The following PLXDC2 variants were observed in gnomAD, a reference collection of about 807,000 sequenced individuals.
The protein encoded by PLXDC2 is plexin domain containing 2.
In PLXDC2, 40 loss-of-function variants were observed where a neutral mutation model predicts 68.9. The ratio of observed to expected loss-of-function variants is 0.58; its 90% CI spans 0.45 to 0.76. The LOEUF (loss-of-function observed/expected upper bound fraction) is 0.76. PLXDC2 is among the 30% of genes least tolerant of loss of function. PLXDC2 has a pLI of 0.00. For missense variants in PLXDC2, 644 were observed against 661.9 expected, an observed-to-expected ratio of 0.97 and a Z score of 0.30; for synonymous variants, 243 against 234.2, an observed-to-expected ratio of 1.04 and a Z score of -0.34.
intron 2 of PLXDC2, among the ~76,000 whole-genome samples, chr10:20,020,064 CTGCTCAGT>C (rs80252773): frequency 0.25 from 37,874 of 149,974 alleles, 5,100 homozygotes; most frequent in East Asian, 0.39. Context: ...CTTGCTCTGT[CTGCTCAGT>C]ACAGTCAGAG....
intron 9 of PLXDC2, among the ~76,000 whole-genome samples, chr10:20,201,904 C>T (rs1048837559): frequency 1.3e-5 from 2 of 152,206 alleles, no homozygotes; most frequent in African/African-American, 2.4e-5. Flanking sequence ...TAAATAAAGA[C>T]GAGGTTGAAC....
intron 1 of PLXDC2, among the ~76,000 whole-genome samples, chr10:19,963,442 G>A (rs1398434145): frequency 6.6e-6 from 1 of 152,102 alleles, no homozygotes; most frequent in Non-Finnish European, 1.5e-5. Context: ...CTTTGCTATT[G>A]TGAATAGTGC....
intron 2 of PLXDC2, among the ~76,000 whole-genome samples, chr10:20,028,101 A>C (rs1055702520): frequency 6.6e-6 from 1 of 152,222 alleles, no homozygotes; most frequent in Non-Finnish European, 1.5e-5. Flanking sequence ...GGGCATGGTC[A>C]TGTAGAGTAC....
intron 1 of PLXDC2, among the ~76,000 whole-genome samples, chr10:19,863,202 C>T (rs1837347345): frequency 1.3e-5 from 2 of 152,108 alleles, no homozygotes; most frequent in Admixed American, 1.3e-4. Context: ...TTTTGGGGCC[C>T]TTTTCCCTCC....
At chr10:20,030,057 A>G (rs189551942) in intron 2 of PLXDC2, among the ~76,000 whole-genome samples, 102 of 152,294 alleles carry the variant, frequency 6.7e-4, no homozygotes, top group African/African-American at 2.4e-3. Flanking sequence ...ACTCTTAGAG[A>G]TTATTTGAAA....
chr10:20,191,924 TAGCTACC>T (rs2131839765), intron 9 of PLXDC2, among the ~76,000 whole-genome samples: 1 of 152,174 alleles, frequency 6.6e-6, no homozygotes, highest in East Asian at 1.9e-4. Context: ...ATATTTATAA[TAGCTACC>T]TTTTATTTTG....
At chr10:19,853,737 C>T (rs747433348) in intron 1 of PLXDC2, among the ~76,000 whole-genome samples, 10 of 151,974 alleles carry the variant, frequency 6.6e-5, no homozygotes, top group East Asian at 1.9e-4. Context: ...TGAAAGGCCA[C>T]GGTTTCATAA....
intron 9 of PLXDC2, among the ~76,000 whole-genome samples, chr10:20,179,978 C>G (rs975616553): frequency 8.6e-5 from 13 of 151,942 alleles, no homozygotes; most frequent in African/African-American, 3.1e-4. Flanking sequence ...GTTGCAGGTG[C>G]ATTAAGCAAG....
intron 1 of PLXDC2, among the ~76,000 whole-genome samples, chr10:19,826,212 A>G (rs770069257): frequency 2.6e-5 from 4 of 152,190 alleles, no homozygotes; most frequent in Admixed American, 6.5e-5. Context: ...TTTATGTTTA[A>G]GATTGCCCAA....
chr10:19,935,189 G>A (rs1209827766), intron 1 of PLXDC2, among the ~76,000 whole-genome samples: 1 of 152,180 alleles, frequency 6.6e-6, no homozygotes, highest in Non-Finnish European at 1.5e-5. Context: ...GAGGCTGACA[G>A]TGGGGACCTA....
chr10:20,164,671 A>G (rs1834350706), intron 7 of PLXDC2, 104 bp downstream of exon 7: 2 of 831,964 alleles, frequency 2.4e-6, no homozygotes, highest in Non-Finnish European at 2.0e-6. Flanking sequence ...AAAATAGCTA[A>G]TCGATTAGCT....
intron 4 of PLXDC2, among the ~76,000 whole-genome samples, chr10:20,091,231 C>T (rs898965025): frequency 3.3e-5 from 5 of 152,148 alleles, no homozygotes; most frequent in African/African-American, 9.7e-5. Context: ...TCACACTCCC[C>T]ACTTCTCACC....
intron 4 of PLXDC2, among the ~76,000 whole-genome samples, chr10:20,080,323 A>G (rs2131719924): frequency 6.6e-6 from 1 of 152,124 alleles, no homozygotes; most frequent in South Asian, 2.1e-4. Context: ...ATCAAGGAGT[A>G]TTGACTCACA....
chr10:19,989,633 T>C (rs907318064), intron 1 of PLXDC2, among the ~76,000 whole-genome samples: 1 of 152,182 alleles, frequency 6.6e-6, no homozygotes, highest in African/African-American at 2.4e-5. Context: ...GCACCCAGGA[T>C]GGAATAATAT....
rs1836192699 is a variant in PLXDC2, at chr10:20,065,571, A to G, written c.472-2599A>G. ...ACTTTATTTCTATTATTATTACATT[A>G]TAATATATAGTGAAATGATTATACA... On this transcript the variant is annotated intron_variant, in intron 3 of 13. Coordinates refer to ENST00000377252, the MANE Select transcript of PLXDC2 (RefSeq NM_032812.9). 3.9e-5 allele frequency among the ~76,000 whole-genome samples: 6 copies of G among 152,300 alleles called. No individual in the cohort carries two copies. In the South Asian group the frequency reaches 1.2e-3, roughly 32 times the overall value.
At chr10:20,078,370 A>G (rs1175345157) in intron 4 of PLXDC2, among the ~76,000 whole-genome samples, 1 of 152,190 alleles carries the variant, frequency 6.6e-6, no homozygotes, top group African/African-American at 2.4e-5. Flanking sequence ...GTGACAGAGC[A>G]AGATCTTGTC....
intron 6 of PLXDC2, among the ~76,000 whole-genome samples, chr10:20,163,300 G>A (rs1343025676): frequency 3.3e-5 from 5 of 152,174 alleles, no homozygotes; most frequent in Admixed American, 3.3e-4. Flanking sequence ...AATTCCAAAA[G>A]CAATGAACTT....
intron 1 of PLXDC2, among the ~76,000 whole-genome samples, chr10:19,817,707 G>C (rs1402460702): frequency 6.6e-6 from 1 of 152,166 alleles, no homozygotes; most frequent in Non-Finnish European, 1.5e-5. Context: ...CTAGTGACCT[G>C]GGCCAAGCGG....
intron 12 of PLXDC2, among the ~76,000 whole-genome samples, chr10:20,239,055 A>G (rs545472811): frequency 1.6e-4 from 25 of 152,192 alleles, no homozygotes; most frequent in African/African-American, 6.0e-4. Context: ...GAGAGACTCT[A>G]TTTTATGGCT....
Sources: gnomAD v4.1 joint callset for allele counts (sites outside exome capture counted in the v4.1 genomes callset) on GRCh38, gnomAD v4.1.1 for gene constraint, MANE v1.5 for transcripts, NCBI Gene and HGNC (gene_info 2026-07-23, HGNC 2026-07-21) for gene names.